USP7: variants seen among roughly 807,000 people sequenced by gnomAD.
USP7 encodes ubiquitin specific peptidase 7.
USP7 carries 9 observed loss-of-function variants against 162.9 expected under a neutral mutation model. The observed-to-expected ratio is 0.06, with a 90% CI of 0.03 to 0.10. The LOEUF (loss-of-function observed/expected upper bound fraction) is 0.10. USP7 is among the 10% of genes least tolerant of loss of function. The pLI, the probability that USP7 is intolerant of heterozygous loss-of-function variation, is 1.00. For synonymous variants in USP7, 562 were observed against 475.9 expected (o/e 1.18, Z -2.35); for missense variants, 715 against 1,373.7 (o/e 0.52, Z 7.58).
At chr16:8,897,454 G>C (rs935872451) in intron 25 of USP7, among the ~76,000 whole-genome samples, 1 of 152,036 alleles carries the variant, frequency 6.6e-6, no homozygotes, top group Non-Finnish European at 1.5e-5. Context: ...CAAGACCAGA[G>C]GCAGACTGTG....
rs572840700 is a variant in USP7, at chr16:8,895,296, T to A, written c.2920-146A>T. 185 of 1,258,038 alleles carry A rather than the reference T, an allele frequency of 1.5e-4. 1 individual carries two copies. The African/African-American group carries it at 2.2e-3, about 15-fold the overall frequency. The allele number at this position is 1,258,038 out of a possible 1,614,324, so 77.9% of individuals were successfully genotyped here. On this transcript the variant is annotated intron_variant, in intron 27 of 30. Coordinates refer to ENST00000344836, the MANE Select transcript of USP7 (RefSeq NM_003470.3). The stretch of plus-strand genomic sequence containing the variant: ...CCACACCTGGATCCAGCCAGAGTGA[T>A]GGGCACTCATGGGAGTCTCAGCCAG...
intron 1 of USP7, chr16:8,962,930 G>T: frequency 5.4e-6 from 1 of 186,606 alleles, no homozygotes; most frequent in East Asian, 1.3e-4. Context: ...CTGCCTGAGC[G>T]CTCGAATTTA....
At chr16:8,926,468 A>G (rs537131945) in intron 2 of USP7, among the ~76,000 whole-genome samples, 7 of 152,246 alleles carry the variant, frequency 4.6e-5, no homozygotes, top group African/African-American at 7.2e-5. Flanking sequence ...AACAAGAGCA[A>G]AAAACTCTGG....
At chr16:8,919,451 G>A (rs1298497073) in intron 5 of USP7, among the ~76,000 whole-genome samples, 1 of 152,018 alleles carries the variant, frequency 6.6e-6, no homozygotes, top group African/African-American at 2.4e-5. Flanking sequence ...ATGCCTCATG[G>A]TAGAGTTTGG....
intron 1 of USP7, among the ~76,000 whole-genome samples, chr16:8,950,872 A>G (rs1899516096): frequency 6.6e-6 from 1 of 152,214 alleles, no homozygotes; most frequent in African/African-American, 2.4e-5. Context: ...ACTCCTGACC[A>G]AGTTCAATGG....
At chr16:8,896,092 G>A (rs556133660) in intron 26 of USP7, among the ~76,000 whole-genome samples, 4 of 151,460 alleles carry the variant, frequency 2.6e-5, no homozygotes, top group Admixed American at 2.6e-4. Context: ...GCCCGCCTCG[G>A]CCTCCCGAAG....
Position 8,905,193 on chromosome 16 carries a change from T to C in USP7, c.1567A>G (p.Lys523Glu). The C allele has an allele frequency of 6.2e-7, 1 of 1,613,884 alleles. No individual in the cohort carries two copies. Among genetic ancestry groups the C allele is most frequent in the Non-Finnish European group, 8.5e-7 (1 of 1,179,728 alleles). The change falls in exon 14 of 31, where the codon AAA (lysine) becomes GAA (glutamate). Residue 523 changes from lysine (K) to glutamate (E), a missense_variant. By Grantham distance (56) the Lys-to-Glu change is moderately conservative (BLOSUM62 1). Transcript: ENST00000344836. The part of the protein sequence containing the change: ...AYMLVYIRES[K>E]LSEVLQAVTD... ...AAAAGTGAACACTACTCACTCAGTT[T>C]TGATTCCCTGATGTAGACTAACATG...
chr16:8,914,832 T>C (rs975122845), intron 10 of USP7, among the ~76,000 whole-genome samples: 3 of 151,846 alleles, frequency 2.0e-5, no homozygotes, highest in African/African-American at 7.3e-5. Context: ...AGCAGGAGGA[T>C]CGCCTGAGTC....
At chr16:8,951,185 C>A (rs1214292400) in intron 1 of USP7, among the ~76,000 whole-genome samples, 1 of 10,208 alleles carries the variant, frequency 9.8e-5, no homozygotes, top group Non-Finnish European at 2.8e-4. Context: ...TGTTTGACTG[C>A]TACAGTCACT....
At chr16:8,929,344 G>T in intron 2 of USP7, 1 of 380,170 alleles carries the variant, frequency 2.6e-6, no homozygotes, top group South Asian at 1.9e-5. Context: ...TAACAAAGCA[G>T]CGGGTTTAGA....
At chr16:8,925,521 T>C (rs796478379) in intron 2 of USP7, among the ~76,000 whole-genome samples, 43 of 152,338 alleles carry the variant, frequency 2.8e-4, no homozygotes, top group African/African-American at 9.6e-4. Context: ...TTTGGAACTT[T>C]CACCCTATAC....
chr16:8,961,101 T>G (rs961183583), intron 1 of USP7, among the ~76,000 whole-genome samples: 1 of 152,204 alleles, frequency 6.6e-6, no homozygotes, highest in African/African-American at 2.4e-5. Context: ...AACTGTAATA[T>G]GAAAATAAAG....
intron 10 of USP7, 67 bp downstream of exon 10, chr16:8,915,187 A>G (rs2062009702): frequency 2.1e-6 from 3 of 1,400,104 alleles, no homozygotes. Context: ...TCACTTGTGT[A>G]AATGAAACAT....
chr16:8,902,561 A>G, intron 16 of USP7, 79 bp from the exon 17 acceptor site: 5 of 1,060,328 alleles, frequency 4.7e-6, no homozygotes, highest in Non-Finnish European at 6.9e-6. Flanking sequence ...ACATATGTAT[A>G]TACATATACA....
At chr16:8,921,062 C>A in intron 4 of USP7, 95 bp downstream of exon 4, 1 of 1,354,150 alleles carries the variant, frequency 7.4e-7, no homozygotes. Flanking sequence ...AAAAATCTGA[C>A]TCTAAAATCA....
At chr16:8,948,602 T>C (rs1899400070) in intron 1 of USP7, among the ~76,000 whole-genome samples, 1 of 152,176 alleles carries the variant, frequency 6.6e-6, no homozygotes, top group Non-Finnish European at 1.5e-5. Flanking sequence ...AACCTGCACA[T>C]CTCTTTGCTA....
intron 1 of USP7, among the ~76,000 whole-genome samples, chr16:8,936,246 G>A (rs1392643088): frequency 6.6e-6 from 1 of 151,984 alleles, no homozygotes; most frequent in Non-Finnish European, 1.5e-5. Flanking sequence ...CGGCAGATAC[G>A]CATGGGCCAA....
chr16:8,921,533 T>A (rs1897689480), intron 3 of USP7, among the ~76,000 whole-genome samples: 1 of 152,230 alleles, frequency 6.6e-6, no homozygotes, highest in Non-Finnish European at 1.5e-5. Context: ...TTTAATTCCT[T>A]AGAAGTTGAA....
intron 2 of USP7, among the ~76,000 whole-genome samples, chr16:8,928,258 C>A (rs1382882603): frequency 6.6e-6 from 1 of 152,118 alleles, no homozygotes; most frequent in Admixed American, 6.6e-5. Flanking sequence ...TGGCTACAGA[C>A]CAAACTTCTA....
Sources: allele counts gnomAD v4.1 joint callset (sites outside exome capture counted in the v4.1 genomes callset), GRCh38; gene constraint gnomAD v4.1.1; transcripts MANE v1.5; gene names NCBI Gene and HGNC (gene_info 2026-07-23, HGNC 2026-07-21).